The following CNTLN variants were observed in gnomAD, a reference collection of about 807,000 sequenced individuals.
The protein encoded by CNTLN is centlein, centrosomal protein.
Under a neutral mutation model 180.0 loss-of-function variants are expected in CNTLN, and 212 were observed. The observed-to-expected ratio is 1.18, with a 90% CI of 1.05 to 1.32. The LOEUF is 1.32. Ranked by LOEUF, CNTLN falls within the 40% of genes most tolerant of loss-of-function variation. The probability of loss-of-function intolerance (pLI) is 0.00; values close to 1 mark genes in which losing one functional copy is unlikely to be tolerated. For synonymous variants in CNTLN, 722 were observed against 563.1 expected (o/e 1.28, Z -3.99); for missense variants, 2,095 against 1,610.9 (o/e 1.30, Z -5.14).
intron 6 of CNTLN, among the ~76,000 whole-genome samples, chr9:17,297,954 A>C (rs1380243837): frequency 6.6e-6 from 1 of 152,222 alleles, no homozygotes; most frequent in Admixed American, 6.5e-5. Context: ...CTATAAAGCT[A>C]CAAAAGAAAA....
At chr9:17,163,033 A>T (rs1414858604) in intron 2 of CNTLN, among the ~76,000 whole-genome samples, 1 of 152,160 alleles carries the variant, frequency 6.6e-6, no homozygotes, top group Non-Finnish European at 1.5e-5. Context: ...GGCTTGGGAG[A>T]CCTCACAGTC....
chr9:17,146,997 T>A (rs947724610), intron 2 of CNTLN, among the ~76,000 whole-genome samples: 13 of 152,238 alleles, frequency 8.5e-5, no homozygotes, highest in African/African-American at 3.1e-4. Context: ...TTGATGCTGT[T>A]GATTTTCTTC....
At chr9:17,350,815 C>T (rs1343314990) in intron 12 of CNTLN, among the ~76,000 whole-genome samples, 1 of 152,056 alleles carries the variant, frequency 6.6e-6, no homozygotes, top group East Asian at 1.9e-4. Flanking sequence ...TCCCCATCTC[C>T]GACTATCATC....
intron 2 of CNTLN, among the ~76,000 whole-genome samples, chr9:17,202,473 A>G (rs202206315): frequency 1.3e-5 from 2 of 152,026 alleles, no homozygotes; most frequent in South Asian, 4.2e-4. Context: ...CTTTGTAGGT[A>G]TCTAAGAACT....
Position 17,484,360 on chromosome 9 carries a change from A to G in CNTLN, c.3921A>G (p.Lys1307=). ...GGCGACAAATAAGAGAGCTTAAAAA[A>G]ATGAAGAAAAACAGGGACGCCTGTA... ...VVRRQIRELK[K]MKKNRDACKT... The change falls in exon 24 of 26, where the codon AAA becomes AAG. Residue 1307 remains lysine, a synonymous_variant. Coordinates refer to ENST00000380647, the MANE Select transcript of CNTLN (RefSeq NM_017738.4). The G allele has an allele frequency of 6.2e-7, 1 of 1,612,628 alleles. No individual in the cohort carries two copies.
chr9:17,393,979 A>T (rs1826301566), intron 14 of CNTLN, among the ~76,000 whole-genome samples: 1 of 152,076 alleles, frequency 6.6e-6, no homozygotes, highest in Non-Finnish European at 1.5e-5. Flanking sequence ...CCTTGAAATC[A>T]TTATAATTTA....
chr9:17,427,283 CT>C (rs34174830), intron 18 of CNTLN, among the ~76,000 whole-genome samples: 69,811 of 135,764 alleles, frequency 0.51, 18,003 homozygotes, highest in Non-Finnish European at 0.6. Flanking sequence ...GTTGCTGCTT[CT>C]TTTTTTTTTT....
At chr9:17,378,509 A>C (rs1824968046) in intron 13 of CNTLN, among the ~76,000 whole-genome samples, 1 of 151,922 alleles carries the variant, frequency 6.6e-6, no homozygotes, top group African/African-American at 2.4e-5. Context: ...TTTCTATTTA[A>C]TCTGTAATAA....
intron 8 of CNTLN, among the ~76,000 whole-genome samples, chr9:17,314,709 C>G (rs148636294): frequency 8.5e-5 from 13 of 152,338 alleles, no homozygotes; most frequent in Non-Finnish European, 1.9e-4. Context: ...TTAGCCAATG[C>G]TGTTCCATTT....
At chr9:17,399,538 G>T (rs941824444) in intron 15 of CNTLN, among the ~76,000 whole-genome samples, 7 of 152,006 alleles carry the variant, frequency 4.6e-5, no homozygotes, top group Admixed American at 3.9e-4. Context: ...TTTGCTTCAG[G>T]AATATGGCAT....
At chr9:17,468,277 A>T (rs1203098390) in intron 23 of CNTLN, among the ~76,000 whole-genome samples, 1 of 151,594 alleles carries the variant, frequency 6.6e-6, no homozygotes, top group African/African-American at 2.4e-5. Context: ...CTGAAAAACT[A>T]CCTATTGGGT....
intron 5 of CNTLN, among the ~76,000 whole-genome samples, chr9:17,268,333 G>A (rs190638587): frequency 1.6e-4 from 25 of 152,236 alleles, no homozygotes; most frequent in Admixed American, 1.5e-3. Flanking sequence ...TATCAGCAGC[G>A]GTGGCTTTAG....
At chr9:17,366,307 G>GTTGTTA (rs1554701905) in intron 12 of CNTLN, among the ~76,000 whole-genome samples, 1 of 151,456 alleles carries the variant, frequency 6.6e-6, no homozygotes, top group Non-Finnish European at 1.5e-5. Context: ...TATTGTTGTT[G>GTTGTTA]TTATTATTAT....
chr9:17,515,687 CA>C, the CNTLN span, among the ~76,000 whole-genome samples: 1 of 152,176 alleles, frequency 6.6e-6, no homozygotes, highest in Admixed American at 6.5e-5. Flanking sequence ...ACTCTACCCT[CA>C]GAACGTATCC....
Position 17,330,685 on chromosome 9 carries a change from G to A in CNTLN, c.1395G>A (p.Lys465=). 1.9e-6 allele frequency: 3 copies of A among 1,611,454 alleles called. No homozygotes were observed. Among genetic ancestry groups the A allele is most frequent in the Non-Finnish European group, 2.5e-6 (3 of 1,178,364 alleles). ...TAGAAACGTTAATGGTTTCACAGAA[G>A]TCTGAAATTGAGTATTTACAGGAGA... The part of the protein sequence containing the change: ...SSLETLMVSQ[K]SEIEYLQEKL... The change falls in exon 9 of 26, where the codon AAG becomes AAA. Residue 465 remains lysine, a synonymous_variant. Transcript: ENST00000380647.
chr9:17,233,297 T>A (rs1353805391), intron 3 of CNTLN, among the ~76,000 whole-genome samples: 1 of 152,096 alleles, frequency 6.6e-6, no homozygotes, highest in Non-Finnish European at 1.5e-5. Context: ...AATGTTTATA[T>A]CAAATGTGAA....
At chr9:17,349,888 G>A (rs905908336) in intron 12 of CNTLN, among the ~76,000 whole-genome samples, 1 of 152,140 alleles carries the variant, frequency 6.6e-6, no homozygotes, top group Non-Finnish European at 1.5e-5. Context: ...ATACAGTATA[G>A]TTTCAAGCTC....
intron 13 of CNTLN, among the ~76,000 whole-genome samples, chr9:17,387,635 A>T (rs1403106062): frequency 6.6e-6 from 1 of 152,212 alleles, no homozygotes; most frequent in Non-Finnish European, 1.5e-5. Context: ...CAGTATTTCT[A>T]GAAGAGTGAT....
chr9:17,297,308 C>T (rs1335136378), intron 6 of CNTLN, among the ~76,000 whole-genome samples: 2 of 152,108 alleles, frequency 1.3e-5, no homozygotes, highest in South Asian at 2.1e-4. Flanking sequence ...AGGACTTGAG[C>T]ATCTGTAAAT....
Sources: allele counts gnomAD v4.1 joint callset (sites outside exome capture counted in the v4.1 genomes callset), GRCh38; gene constraint gnomAD v4.1.1; transcripts MANE v1.5; gene names NCBI Gene and HGNC (gene_info 2026-07-23, HGNC 2026-07-21).